The following GLIS1 variants were observed in gnomAD, a reference collection of about 807,000 sequenced individuals.
GLIS1 encodes the protein GLIS family zinc finger 1, also known as zinc finger protein GLIS1.
A neutral mutation model predicts 63.8 loss-of-function variants in GLIS1; 24 were observed. The ratio of observed to expected loss-of-function variants is 0.38; its 90% CI spans 0.27 to 0.53. The LOEUF is 0.53. Ranked by LOEUF, GLIS1 falls within the 20% of genes least tolerant of loss-of-function variation. GLIS1 has a pLI of 0.85. For missense variants in GLIS1, 1,036 were observed against 1,074.1 expected, an observed-to-expected ratio of 0.96 and a Z score of 0.50; for synonymous variants, 450 against 482.5, an observed-to-expected ratio of 0.93 and a Z score of 0.88.
intron 2 of GLIS1, among the ~76,000 whole-genome samples, chr1:53,671,683 G>A (rs1471151977): frequency 6.6e-6 from 1 of 152,228 alleles, no homozygotes; most frequent in Non-Finnish European, 1.5e-5. Flanking sequence ...AGAGGCACAT[G>A]AATTTCATGA....
At chr1:53,521,619 C>T (rs1250357850) in intron 6 of GLIS1, among the ~76,000 whole-genome samples, 1 of 152,226 alleles carries the variant, frequency 6.6e-6, no homozygotes, top group Non-Finnish European at 1.5e-5. Context: ...GGTGGCAGAG[C>T]TCCAGCTGGC....
chr1:53,694,595 G>A (rs924260191), intron 2 of GLIS1, among the ~76,000 whole-genome samples: 1 of 152,330 alleles, frequency 6.6e-6, no homozygotes, highest in South Asian at 2.1e-4. Context: ...GCCCAAGCTG[G>A]GCAGACACCG....
chr1:53,635,729 G>C (rs1645716577), intron 2 of GLIS1, among the ~76,000 whole-genome samples: 1 of 152,094 alleles, frequency 6.6e-6, no homozygotes, highest in Admixed American at 6.5e-5. Context: ...GAAAGAAGGA[G>C]GAGGCACAAA....
At chr1:53,612,937 G>A (rs1237454117) in intron 2 of GLIS1, among the ~76,000 whole-genome samples, 1 of 151,392 alleles carries the variant, frequency 6.6e-6, no homozygotes, top group Non-Finnish European at 1.5e-5. Flanking sequence ...TCCTGCCTCA[G>A]CCTCCCGAGT....
intron 4 of GLIS1, among the ~76,000 whole-genome samples, chr1:53,541,789 G>C (rs1422972194): frequency 6.6e-6 from 1 of 152,266 alleles, no homozygotes; most frequent in African/African-American, 2.4e-5. Flanking sequence ...TGAGAGGCAG[G>C]ACGGAGTTGC....
intron 2 of GLIS1, among the ~76,000 whole-genome samples, chr1:53,675,484 C>T (rs1032492576): frequency 6.6e-6 from 1 of 152,140 alleles, no homozygotes; most frequent in Non-Finnish European, 1.5e-5. Context: ...CAACTTTGGG[C>T]AAGTCATGGC....
chr1:53,735,137 CT>C (rs1375777850), intron 2 of GLIS1, among the ~76,000 whole-genome samples: 2 of 152,212 alleles, frequency 1.3e-5, no homozygotes, highest in African/African-American at 2.4e-5. Flanking sequence ...CTGAGCCATA[CT>C]GTCTTCTCTC....
rs985478169 is a variant in GLIS1, at chr1:53,511,716, A to G, written c.1884-1689T>C. On this transcript the variant is annotated intron_variant, in intron 8 of 10. Transcript: ENST00000628545. The surrounding 1 kb of genome is among the most constrained non-coding windows in gnomAD (Gnocchi z 4.2). Reference sequence around the variant, plus strand: ...GACAGCGTCTTCCTCTATGCACTAGAAACCGTGGACAGCTGTGCACGAGCT... The same window carrying G: ...GACAGCGTCTTCCTCTATGCACTAGGAACCGTGGACAGCTGTGCACGAGCT... Among the ~76,000 whole-genome samples the G allele has an allele frequency of 1.3e-5, 2 of 152,186 alleles. No homozygotes were observed. The highest frequency in any genetic ancestry group is 2.9e-5 in the Non-Finnish European group (2 of 68,020).
chr1:53,660,419 G>A (rs541790896), intron 2 of GLIS1, among the ~76,000 whole-genome samples: 22 of 152,284 alleles, frequency 1.4e-4, no homozygotes, highest in Middle Eastern at 3.4e-3. Flanking sequence ...TGAGGACAGC[G>A]TGCCCCATTT....
intron 2 of GLIS1, among the ~76,000 whole-genome samples, chr1:53,643,867 G>C (rs993802283): frequency 9.9e-5 from 15 of 152,166 alleles, no homozygotes; most frequent in South Asian, 2.1e-4. Context: ...AGTAAGCTAG[G>C]GGGTACAGAG....
intron 2 of GLIS1, among the ~76,000 whole-genome samples, chr1:53,617,541 G>A (rs573091717): frequency 1.3e-5 from 2 of 152,356 alleles, no homozygotes; most frequent in South Asian, 2.1e-4. Context: ...CACGCTACTT[G>A]TGACATCTGT....
At chr1:53,591,344 G>A (rs1057162371) in intron 4 of GLIS1, among the ~76,000 whole-genome samples, 30 of 152,212 alleles carry the variant, frequency 2.0e-4, no homozygotes, top group South Asian at 1.5e-3. Context: ...ACAAGCCTCC[G>A]AAGCCCAGAT....
Position 53,738,914 on chromosome 1 carries a change from G to A in GLIS1, c.-43+191C>T, listed in dbSNP as rs566930391. Among the ~76,000 whole-genome samples the A allele has an allele frequency of 2.6e-5, 4 of 152,256 alleles. No homozygotes were observed. In the East Asian group the frequency reaches 7.8e-4, roughly 30 times the overall value. ...ACACAGTCCCACGCTCTCGCCACAC[G>A]CGCGTGCGATGGGGGCCGCGACAGA... On this transcript the variant is annotated intron_variant, in intron 1 of 10. Coordinates refer to ENST00000628545, the MANE Select transcript of GLIS1 (RefSeq NM_001367484.1).
At chr1:53,716,102 G>A (rs1646695744) in intron 2 of GLIS1, among the ~76,000 whole-genome samples, 1 of 152,094 alleles carries the variant, frequency 6.6e-6, no homozygotes. Context: ...TAGAGGAGAG[G>A]CATTGCCAGC....
At chr1:53,578,590 A>G (rs567250448) in intron 4 of GLIS1, among the ~76,000 whole-genome samples, 5 of 152,172 alleles carry the variant, frequency 3.3e-5, no homozygotes, top group Non-Finnish European at 5.9e-5. Context: ...TTCCTTTCCC[A>G]CTCAAAAAGA....
At chr1:53,582,900 A>G (rs930132639) in intron 4 of GLIS1, among the ~76,000 whole-genome samples, 1 of 152,054 alleles carries the variant, frequency 6.6e-6, no homozygotes, top group African/African-American at 2.4e-5. Context: ...GAGGGAGGGG[A>G]GCAGGTAGAA....
At chr1:53,607,736 G>A (rs144426164) in intron 2 of GLIS1, among the ~76,000 whole-genome samples, 4 of 152,234 alleles carry the variant, frequency 2.6e-5, no homozygotes, top group East Asian at 1.9e-4. Context: ...AGTCAGTTCC[G>A]GCTGCTATAA....
chr1:53,552,866 G>A lies in GLIS1; in HGVS notation c.1321-22914C>T, dbSNP rs145126580. ...ACTAACTACCTCAGTGACAGAAAAG[G>A]AGACTCCCATGAAATCAGCCCATTT... On this transcript the variant is annotated intron_variant, in intron 4 of 10. Coordinates refer to ENST00000628545, the MANE Select transcript of GLIS1 (RefSeq NM_001367484.1). 2.1e-3 allele frequency among the ~76,000 whole-genome samples: 319 copies of A among 152,368 alleles called. 1 individual carries two copies. The highest frequency in any genetic ancestry group is 7.4e-3 in the African/African-American group (306 of 41,588).
chr1:53,722,872 C>T (rs966800256), intron 2 of GLIS1, among the ~76,000 whole-genome samples: 1 of 151,614 alleles, frequency 6.6e-6, no homozygotes, highest in East Asian at 1.9e-4. Flanking sequence ...GTGGTTCACA[C>T]CTGTAATCCC....
Sources: gnomAD v4.1 joint callset for allele counts (sites outside exome capture counted in the v4.1 genomes callset) on GRCh38, gnomAD v4.1.1 for gene constraint, Gnocchi (gnomAD v3.1) non-coding constraint, MANE v1.5 for transcripts, NCBI Gene and HGNC (gene_info 2026-07-23, HGNC 2026-07-21) for gene names.